Variants in NRG1 observed in about 807,000 individuals in gnomAD.
NRG1 encodes neuregulin 1.
NRG1 carries 18 observed loss-of-function variants against 63.8 expected under a neutral mutation model. The ratio of observed to expected loss-of-function variants is 0.28; its 90% CI spans 0.19 to 0.42. NRG1 has a LOEUF of 0.42. Among genes scored for constraint, NRG1 ranks in the 10% least tolerant of loss-of-function variants. The pLI, the probability that NRG1 is intolerant of heterozygous loss-of-function variation, is 1.00. For synonymous variants in NRG1, 302 were observed against 301.3 expected (o/e 1.00, Z -0.02); for missense variants, 762 against 814.7 (o/e 0.94, Z 0.79).
intron 1 of NRG1, among the ~76,000 whole-genome samples, chr8:31,806,993 A>G (rs1586552896): frequency 6.6e-6 from 1 of 152,362 alleles, no homozygotes; most frequent in Middle Eastern, 3.4e-3. Context: ...GTGGAACACA[A>G]CCTTGGGTCG....
At position 32,330,041 on chromosome 8, in the gene NRG1, TAAAAAAAAAAAAAAAAAAAAAA is replaced by T. The variant is rs532006401; in HGVS notation, c.38-265768_38-265747del. Among the ~76,000 whole-genome samples, 14 of 43,018 alleles carry T rather than the reference TAAAAAAAAAAAAAAAAAAAAAA, an allele frequency of 3.3e-4. 1 individual carries two copies. The highest frequency in any genetic ancestry group is 1.2e-3 in the Admixed American group (3 of 2,548). 28.2% of individuals were successfully genotyped at this position (43,018 alleles called of 152,430 possible). On this transcript the variant is annotated intron_variant, in intron 1 of 10. Transcript: ENST00000519301. ...GCATGTGCCTCCACACCTAGCTAAT[TAAAAAAAAAAAAAAAAAAAAAA>T]AAAAAAAAAAAAAAAAAAGTGTGTA...
chr8:32,211,716 C>T (rs1347751073), intron 1 of NRG1, among the ~76,000 whole-genome samples: 2 of 151,988 alleles, frequency 1.3e-5, no homozygotes, highest in African/African-American at 4.8e-5. Context: ...GAATATTTTC[C>T]TCTACTCTAT....
At chr8:32,278,316 T>C (rs1402150999) in intron 1 of NRG1, among the ~76,000 whole-genome samples, 1 of 151,986 alleles carries the variant, frequency 6.6e-6, no homozygotes. Context: ...AATAGAGCAA[T>C]TTGGGGGGAA....
chr8:31,808,164 ATGAT>A (rs1286503110), intron 1 of NRG1, among the ~76,000 whole-genome samples: 1 of 152,018 alleles, frequency 6.6e-6, no homozygotes, highest in Non-Finnish European at 1.5e-5. Flanking sequence ...CTATTCTTTC[ATGAT>A]TAAAAGTTAT....
intron 5 of NRG1, among the ~76,000 whole-genome samples, chr8:32,656,741 T>C (rs1404416684): frequency 6.6e-6 from 1 of 152,198 alleles, no homozygotes; most frequent in Non-Finnish European, 1.5e-5. Flanking sequence ...GCATAAAATA[T>C]TTGATAACAA....
intron 1 of NRG1, among the ~76,000 whole-genome samples, chr8:31,658,652 AG>A (rs1805669369): frequency 6.6e-6 from 1 of 152,140 alleles, no homozygotes. Flanking sequence ...TTGTAGAGAC[AG>A]GGTTTCACTG....
chr8:32,340,672 A>T (rs1357835279), intron 1 of NRG1, among the ~76,000 whole-genome samples: 1 of 152,168 alleles, frequency 6.6e-6, no homozygotes, highest in Non-Finnish European at 1.5e-5. Flanking sequence ...TTATCTCCAT[A>T]TCACAAAGAA....
chr8:32,702,839 C>T (rs1000384388), intron 5 of NRG1, among the ~76,000 whole-genome samples: 1 of 152,080 alleles, frequency 6.6e-6, no homozygotes, highest in African/African-American at 2.4e-5. Flanking sequence ...AGGGAGGAGT[C>T]AAGAAAATGA....
chr8:31,679,593 C>G (rs1487037907), intron 1 of NRG1, among the ~76,000 whole-genome samples: 1 of 152,038 alleles, frequency 6.6e-6, no homozygotes, highest in African/African-American at 2.4e-5. Context: ...ATTGAGCAAA[C>G]ATGATATTTA....
At chr8:32,360,909 G>T (rs1807118783) in intron 1 of NRG1, among the ~76,000 whole-genome samples, 1 of 152,174 alleles carries the variant, frequency 6.6e-6, no homozygotes, top group Non-Finnish European at 1.5e-5. Flanking sequence ...GTGGTTCGGA[G>T]GTAGAGCTGG....
At chr8:32,698,713 A>G (rs1814038498) in intron 5 of NRG1, among the ~76,000 whole-genome samples, 1 of 152,220 alleles carries the variant, frequency 6.6e-6, no homozygotes, top group African/African-American at 2.4e-5. Context: ...CACATCCTCT[A>G]TGGCTTACCC....
chr8:32,434,915 G>A (rs1000097368), intron 1 of NRG1, among the ~76,000 whole-genome samples: 4 of 152,120 alleles, frequency 2.6e-5, no homozygotes, highest in Non-Finnish European at 5.9e-5. Flanking sequence ...ATGTGCATAG[G>A]TTATATGCAA....
At chr8:32,504,117 C>T (rs1828242707) in intron 1 of NRG1, among the ~76,000 whole-genome samples, 1 of 152,214 alleles carries the variant, frequency 6.6e-6, no homozygotes. Flanking sequence ...AGCCCACTTA[C>T]CCAACTCCTG....
intron 1 of NRG1, among the ~76,000 whole-genome samples, chr8:32,420,483 C>G (rs1322948802): frequency 2.0e-5 from 3 of 151,750 alleles, no homozygotes; most frequent in African/African-American, 7.3e-5. Flanking sequence ...GCCTTTTATC[C>G]TTTAGTTTCT....
chr8:32,627,634 A>G (rs1849534678), intron 5 of NRG1, among the ~76,000 whole-genome samples: 1 of 152,168 alleles, frequency 6.6e-6, no homozygotes, highest in Non-Finnish European at 1.5e-5. Context: ...TGTTTTATTC[A>G]TTAAGTAAGA....
intron 5 of NRG1, among the ~76,000 whole-genome samples, chr8:32,722,532 C>T (rs575943674): frequency 6.6e-6 from 1 of 152,268 alleles, no homozygotes; most frequent in South Asian, 2.1e-4. Context: ...TTGATTATTT[C>T]TCAGCTATTT....
chr8:32,331,365 C>CA (rs35510271), intron 1 of NRG1, among the ~76,000 whole-genome samples: 1,189 of 115,462 alleles, frequency 0.01, 98 homozygotes, highest in African/African-American at 0.032. Context: ...ACAAAAAATA[C>CA]AAAAAAAAAA....
intron 1 of NRG1, among the ~76,000 whole-genome samples, chr8:32,308,220 T>C (rs1404580553): frequency 1.3e-5 from 2 of 152,200 alleles, no homozygotes; most frequent in African/African-American, 4.8e-5. Flanking sequence ...ACATTTAGAA[T>C]CCTTCGCTTT....
intron 1 of NRG1, among the ~76,000 whole-genome samples, chr8:32,035,785 C>G (rs1240969504): frequency 6.6e-6 from 1 of 152,102 alleles, no homozygotes; most frequent in Non-Finnish European, 1.5e-5. Context: ...TTTCCACTTG[C>G]TTGGTAAATT....
Sources: allele counts gnomAD v4.1 joint callset (sites outside exome capture counted in the v4.1 genomes callset), GRCh38; gene constraint gnomAD v4.1.1; transcripts MANE v1.5; gene names NCBI Gene and HGNC (gene_info 2026-07-23, HGNC 2026-07-21).